PCDH15: variants seen among roughly 807,000 people sequenced by gnomAD.
PCDH15 encodes the protein protocadherin-15.
PCDH15 carries 129 observed loss-of-function variants against 178.5 expected under a neutral mutation model. That is an observed-to-expected ratio of 0.72 (90% CI 0.63 to 0.84). The LOEUF is 0.84. Ranked by LOEUF, PCDH15 falls within the 40% of genes least tolerant of loss-of-function variation. The probability of loss-of-function intolerance (pLI) is 0.00; values close to 1 mark genes in which losing one functional copy is unlikely to be tolerated. For missense variants in PCDH15, 2,230 were observed against 2,099.9 expected (o/e 1.06, Z -1.21); for synonymous variants, 800 against 732.0 (o/e 1.09, Z -1.50).
At chr10:55,499,287 T>G (rs1422189255) in intron 2 of PCDH15, among the ~76,000 whole-genome samples, 1 of 151,810 alleles carries the variant, frequency 6.6e-6, no homozygotes, top group Non-Finnish European at 1.5e-5. Flanking sequence ...AATTTTCATA[T>G]GATCTTTCAT....
intron 18 of PCDH15, among the ~76,000 whole-genome samples, chr10:54,046,191 A>T (rs1765900168): frequency 6.6e-6 from 1 of 152,210 alleles, no homozygotes; most frequent in Non-Finnish European, 1.5e-5. Flanking sequence ...CATACCAAGC[A>T]CACAGACAGG....
rs147194547 is a variant in PCDH15, at chr10:54,524,161, C to A, written c.157+3651G>T. Among the ~76,000 whole-genome samples, 817 of 152,282 alleles carry A rather than the reference C, an allele frequency of 5.4e-3. 5 individuals carry two copies. Among genetic ancestry groups the A allele is most frequent in the African/African-American group, 0.019 (790 of 41,554 alleles). On this transcript the variant is annotated intron_variant, in intron 3 of 37. Transcript: ENST00000644397. ...AACTTCTTCATTGAGTCCATCATGG[C>A]ATCCTTGGTTGATGTTGCTTTCAAA...
intron 1 of PCDH15, among the ~76,000 whole-genome samples, chr10:54,680,694 A>G (rs1283188975): frequency 6.6e-6 from 1 of 152,130 alleles, no homozygotes; most frequent in Non-Finnish European, 1.5e-5. Context: ...ATCTGGTTCT[A>G]TAAATGGGAG....
At chr10:54,549,786 T>C (rs558550707) in intron 2 of PCDH15, among the ~76,000 whole-genome samples, 2 of 152,206 alleles carry the variant, frequency 1.3e-5, no homozygotes, top group South Asian at 4.1e-4. Context: ...TTAAATCTTC[T>C]ACAGTGATGT....
intron 23 of PCDH15, among the ~76,000 whole-genome samples, chr10:53,949,188 T>G (rs1274771918): frequency 6.6e-6 from 1 of 152,190 alleles, no homozygotes; most frequent in Non-Finnish European, 1.5e-5. Flanking sequence ...CTATCAAAAC[T>G]GTAATGAAAG....
chr10:55,218,328 G>T (rs543829437), intron 1 of PCDH15, among the ~76,000 whole-genome samples: 29 of 151,976 alleles, frequency 1.9e-4, no homozygotes, highest in African/African-American at 7.0e-4. Flanking sequence ...AAATACAGTA[G>T]CCACGAGTTA....
intron 25 of PCDH15, among the ~76,000 whole-genome samples, chr10:53,906,381 T>A (rs1176375455): frequency 6.6e-6 from 1 of 152,126 alleles, no homozygotes; most frequent in East Asian, 1.9e-4. Context: ...TTACATTGCA[T>A]TTAGTTATAA....
intron 1 of PCDH15, among the ~76,000 whole-genome samples, chr10:54,727,213 A>G (rs938672607): frequency 9.5e-5 from 14 of 146,610 alleles, no homozygotes; most frequent in African/African-American, 3.4e-4. Flanking sequence ...TTCTCAACAA[A>G]TTAAAAAAAA....
At chr10:53,899,347 T>C (rs996063357) in intron 26 of PCDH15, among the ~76,000 whole-genome samples, 2 of 152,132 alleles carry the variant, frequency 1.3e-5, no homozygotes, top group Non-Finnish European at 2.9e-5. Flanking sequence ...TTATTACTTA[T>C]ATTGGATAAT....
At chr10:55,187,294 A>G (rs1839825595) in intron 1 of PCDH15, among the ~76,000 whole-genome samples, 1 of 152,040 alleles carries the variant, frequency 6.6e-6, no homozygotes, top group Admixed American at 6.6e-5. Flanking sequence ...GAAATGCATA[A>G]CTATCTCTAT....
chr10:55,561,243 A>G (rs1040579014), intron 2 of PCDH15, among the ~76,000 whole-genome samples: 2 of 151,890 alleles, frequency 1.3e-5, no homozygotes, highest in African/African-American at 4.8e-5. Context: ...AACATTTTAT[A>G]TAAACTTATT....
At chr10:53,881,594 C>T (rs61301799) in intron 26 of PCDH15, among the ~76,000 whole-genome samples, 1,964 of 151,974 alleles carry the variant, frequency 0.013, 46 homozygotes, top group African/African-American at 0.043. Flanking sequence ...AAGTTCACAC[C>T]TGGACTAAAT....
chr10:55,149,309 A>G (rs1467537492), intron 2 of PCDH15, among the ~76,000 whole-genome samples: 1 of 151,922 alleles, frequency 6.6e-6, no homozygotes, highest in African/African-American at 2.4e-5. Context: ...TAATTTTTAC[A>G]TAAAACATAC....
At chr10:55,405,334 G>C (rs1196343422) in intron 2 of PCDH15, among the ~76,000 whole-genome samples, 1 of 122,518 alleles carries the variant, frequency 8.2e-6, no homozygotes, top group Non-Finnish European at 1.8e-5. Flanking sequence ...TAAAGATAAT[G>C]TGTAGTATTC....
In PCDH15 at chr10:53,822,448, GAGGAGGAGA is replaced by G. The variant is rs727503363; in HGVS notation, c.4368-2227_4368-2219del. ...GGAGGAGCAAGAGGAGCAGGAGCAG[GAGGAGGAGA>G]AGGAGGAGAAATAGGAGGAGGAGGG... On this transcript the variant is annotated intron_variant, in intron 32 of 37. Transcript: ENST00000644397. 5.8e-4 allele frequency: 926 copies of G among 1,597,072 alleles called. No homozygotes were observed. The highest frequency in any genetic ancestry group is 6.9e-4 in the Non-Finnish European group (806 of 1,172,010).
intron 2 of PCDH15, among the ~76,000 whole-genome samples, chr10:55,061,846 C>T (rs145647184): frequency 2.2e-4 from 34 of 152,158 alleles, no homozygotes; most frequent in African/African-American, 6.5e-4. Context: ...ATGGTGAAAC[C>T]CCGACTCTAC....
At chr10:54,536,674 G>A (rs1322849872) in intron 2 of PCDH15, among the ~76,000 whole-genome samples, 1 of 152,058 alleles carries the variant, frequency 6.6e-6, no homozygotes, top group Non-Finnish European at 1.5e-5. Flanking sequence ...GATGTCCAGT[G>A]TCTATTACTG....
rs1480989153 is a variant in PCDH15 at position 54,020,368 on chromosome 10, G to A, written c.2575C>T (p.Pro859Ser). Residue 859 changes from proline to serine, a missense_variant, in exon 20 of 38, where the codon CCA (proline) becomes TCA (serine). Pro to Ser is a moderately conservative substitution (Grantham distance 74, BLOSUM62 -1). Coordinates refer to ENST00000644397, the MANE Select transcript of PCDH15 (RefSeq NM_001384140.1). ...GANVSYRIRS[P>S]EVKHFFALHP... ...AGTGCAAAAAAGTGCTTCACTTCTGGGCTTCTTATCCGGTAAGACACATTT... is the reference window on the plus strand; with the variant it reads ...AGTGCAAAAAAGTGCTTCACTTCTGAGCTTCTTATCCGGTAAGACACATTT... The A allele has an allele frequency of 1.2e-6, 2 of 1,613,590 alleles. No individual in the cohort carries two copies. Among genetic ancestry groups the A allele is most frequent in the Non-Finnish European group, 1.7e-6 (2 of 1,179,800 alleles).
intron 1 of PCDH15, among the ~76,000 whole-genome samples, chr10:54,722,474 T>G (rs1350275572): frequency 6.6e-6 from 1 of 151,748 alleles, no homozygotes; most frequent in East Asian, 1.9e-4. Flanking sequence ...CTTGTTTAGT[T>G]GATCCTTTGT....
Sources: gnomAD v4.1 joint callset for allele counts (sites outside exome capture counted in the v4.1 genomes callset) on GRCh38, gnomAD v4.1.1 for gene constraint, MANE v1.5 for transcripts, NCBI Gene and HGNC (gene_info 2026-07-23, HGNC 2026-07-21) for gene names.